NMNAT2: variants seen among roughly 807,000 people sequenced by gnomAD.
NMNAT2 encodes nicotinamide nucleotide adenylyltransferase 2.
NMNAT2 carries 11 observed loss-of-function variants against 41.6 expected under a neutral mutation model. That is an observed-to-expected ratio of 0.26 (90% confidence interval 0.17 to 0.44). NMNAT2 has a LOEUF of 0.44. Ranked by LOEUF, NMNAT2 falls within the 20% of genes least tolerant of loss-of-function variation. NMNAT2 has a pLI of 1.00. For synonymous variants in NMNAT2, 148 were observed against 151.2 expected (o/e 0.98, Z 0.16); for missense variants, 288 against 407.7 (o/e 0.71, Z 2.53).
At chr1:183,370,157 G>T (rs1663500860) in intron 1 of NMNAT2, among the ~76,000 whole-genome samples, 1 of 151,642 alleles carries the variant, frequency 6.6e-6, no homozygotes, top group African/African-American at 2.4e-5. Flanking sequence ...GAGAAAAAGA[G>T]CCTGGGATGA....
intron 1 of NMNAT2, among the ~76,000 whole-genome samples, chr1:183,388,468 C>G (rs1461597629): frequency 6.6e-6 from 1 of 152,198 alleles, no homozygotes; most frequent in Non-Finnish European, 1.5e-5. Context: ...TCTAAAATTA[C>G]TAATAAACTT....
At chr1:183,316,171 TC>T (rs1662245801) in intron 1 of NMNAT2, among the ~76,000 whole-genome samples, 1 of 151,874 alleles carries the variant, frequency 6.6e-6, no homozygotes, top group Non-Finnish European at 1.5e-5. Context: ...AGGCCCAGAG[TC>T]CCCACTGACC....
intron 10 of NMNAT2, 129 bp downstream of exon 10, chr1:183,260,873 A>T: frequency 1.3e-6 from 1 of 764,628 alleles, no homozygotes; most frequent in Non-Finnish European, 2.3e-6. Flanking sequence ...ATGAGGTCCA[A>T]ACAGGAAGCT....
intron 1 of NMNAT2, among the ~76,000 whole-genome samples, chr1:183,312,928 A>G (rs1662157100): frequency 6.6e-6 from 1 of 152,036 alleles, no homozygotes; most frequent in Admixed American, 6.6e-5. Flanking sequence ...AGCTACTATT[A>G]TCTCCTTTTC....
chr1:183,360,846 T>C lies in NMNAT2; in HGVS notation c.85+57337A>G, dbSNP rs556266262. Among the ~76,000 whole-genome samples, 7 of 152,324 alleles carry C rather than the reference T, an allele frequency of 4.6e-5. No homozygotes were observed. In the South Asian group the frequency reaches 1.4e-3, roughly 32 times the overall value. On this transcript the variant is annotated intron_variant, in intron 1 of 10. Transcript: ENST00000287713. ...CCAAGCACAAGTGTTCTTTTATTGG[T>C]GGAAGCATTTTTATAAGCTGTGTTG...
intron 1 of NMNAT2, among the ~76,000 whole-genome samples, chr1:183,405,442 G>A (rs938774633): frequency 6.6e-6 from 1 of 152,176 alleles, no homozygotes. Flanking sequence ...AAGAAAAATG[G>A]CTTTTTTATT....
At chr1:183,352,487 C>T (rs889640661) in intron 1 of NMNAT2, among the ~76,000 whole-genome samples, 2 of 145,440 alleles carry the variant, frequency 1.4e-5, no homozygotes, top group African/African-American at 5.1e-5. Flanking sequence ...CGCTTGAACT[C>T]GGGCATCGGA....
intron 7 of NMNAT2, among the ~76,000 whole-genome samples, chr1:183,280,648 A>G (rs763609041): frequency 1.4e-4 from 21 of 152,134 alleles, no homozygotes; most frequent in Admixed American, 2.6e-4. Flanking sequence ...GTGGCCTCCC[A>G]AAGTGCTGGA....
intron 1 of NMNAT2, among the ~76,000 whole-genome samples, chr1:183,366,802 G>A (rs1439621502): frequency 6.6e-6 from 1 of 152,138 alleles, no homozygotes; most frequent in Non-Finnish European, 1.5e-5. Flanking sequence ...ATGAGAGCCA[G>A]CAATGAGTGT....
At chr1:183,253,083 A>G (rs1166756445) in intron 10 of NMNAT2, among the ~76,000 whole-genome samples, 1 of 152,116 alleles carries the variant, frequency 6.6e-6, no homozygotes, top group African/African-American at 2.4e-5. Flanking sequence ...CACTTAGAAG[A>G]GTGCCAGACA....
chr1:183,316,356 G>C (rs1662249722), intron 1 of NMNAT2, among the ~76,000 whole-genome samples: 1 of 152,198 alleles, frequency 6.6e-6, no homozygotes, highest in Non-Finnish European at 1.5e-5. Context: ...TGCTCTGTGG[G>C]GTGGGGAGCT....
At chr1:183,353,500 T>C (rs1246189217) in intron 1 of NMNAT2, among the ~76,000 whole-genome samples, 1 of 152,140 alleles carries the variant, frequency 6.6e-6, no homozygotes, top group East Asian at 1.9e-4. Context: ...AGACTTAAAG[T>C]CAATCATTCT....
At chr1:183,332,093 A>G (rs566090234) in intron 1 of NMNAT2, among the ~76,000 whole-genome samples, 3 of 152,242 alleles carry the variant, frequency 2.0e-5, no homozygotes, top group African/African-American at 7.2e-5. Context: ...TCCATGTTGC[A>G]CACTTTTGTA....
chr1:183,342,308 T>G (rs1042059681), intron 1 of NMNAT2, among the ~76,000 whole-genome samples: 1 of 151,968 alleles, frequency 6.6e-6, no homozygotes, highest in Non-Finnish European at 1.5e-5. Flanking sequence ...CTAGGCAACA[T>G]AGCAAAACCC....
chr1:183,292,712 G>A, intron 3 of NMNAT2, 78 bp downstream of exon 3: 1 of 1,333,034 alleles, frequency 7.5e-7, no homozygotes, highest in Non-Finnish European at 1.1e-6. Context: ...AATTACTGCT[G>A]GAACTCTTCT....
chr1:183,400,564 T>C (rs1056820849), intron 1 of NMNAT2, among the ~76,000 whole-genome samples: 4 of 152,176 alleles, frequency 2.6e-5, no homozygotes, highest in Admixed American at 1.3e-4. Context: ...AAAAAACTAC[T>C]TTAAAGCTCA....
chr1:183,304,533 C>T, intron 1 of NMNAT2: 5 of 742,848 alleles, frequency 6.7e-6, no homozygotes, highest in Non-Finnish European at 1.1e-5. Flanking sequence ...GCTGATGTCC[C>T]TAAACAGGCA....
intron 8 of NMNAT2, among the ~76,000 whole-genome samples, chr1:183,272,600 A>G (rs1012404470): frequency 6.6e-6 from 1 of 152,230 alleles, no homozygotes; most frequent in Non-Finnish European, 1.5e-5. Flanking sequence ...CCCATTAGTC[A>G]TATAATTAGA....
intron 1 of NMNAT2, among the ~76,000 whole-genome samples, chr1:183,341,724 C>CAAAAA (rs1557883660): frequency 4.4e-4 from 7 of 15,822 alleles, no homozygotes; most frequent in African/African-American, 1.4e-3. Context: ...CAAACAAACA[C>CAAAAA]CAAAAAAAAA....
Sources: gnomAD v4.1 joint callset for allele counts (sites outside exome capture counted in the v4.1 genomes callset) on GRCh38, gnomAD v4.1.1 for gene constraint, MANE v1.5 for transcripts, NCBI Gene and HGNC (gene_info 2026-07-23, HGNC 2026-07-21) for gene names.